Variants in ELMO1 observed in about 807,000 individuals in gnomAD.
ELMO1 encodes the protein engulfment and cell motility protein 1.
ELMO1 carries 26 observed loss-of-function variants against 98.9 expected under a neutral mutation model. The ratio of observed to expected loss-of-function variants is 0.26; its 90% CI spans 0.19 to 0.36. The LOEUF (loss-of-function observed/expected upper bound fraction) is 0.36. Among genes scored for constraint, ELMO1 ranks in the 10% least tolerant of loss-of-function variants. ELMO1 has a pLI of 1.00. For synonymous variants in ELMO1, 346 were observed against 346.0 expected (o/e 1.00, Z 0.00); for missense variants, 627 against 935.2 (o/e 0.67, Z 4.30).
At chr7:37,316,769 A>G (rs530906475) in intron 2 of ELMO1, among the ~76,000 whole-genome samples, 1 of 152,286 alleles carries the variant, frequency 6.6e-6, no homozygotes, top group East Asian at 1.9e-4. Flanking sequence ...ATGAATGAGG[A>G]AGAGAAGATG....
chr7:37,064,723 C>A (rs571808727), intron 15 of ELMO1, among the ~76,000 whole-genome samples: 1 of 152,146 alleles, frequency 6.6e-6, no homozygotes, highest in South Asian at 2.1e-4. Flanking sequence ...CCAATCTCCC[C>A]GTAAGTACTC....
chr7:37,396,107 G>A (rs1245926772), intron 1 of ELMO1, among the ~76,000 whole-genome samples: 1 of 151,720 alleles, frequency 6.6e-6, no homozygotes, highest in African/African-American at 2.4e-5. Flanking sequence ...AGTGGACCTT[G>A]ATTCAGATAA....
At chr7:37,427,837 C>T (rs1384122579) in intron 1 of ELMO1, among the ~76,000 whole-genome samples, 1 of 152,204 alleles carries the variant, frequency 6.6e-6, no homozygotes, top group Non-Finnish European at 1.5e-5. Flanking sequence ...ATTCACCATC[C>T]CCAGGAAAAT....
intron 1 of ELMO1, among the ~76,000 whole-genome samples, chr7:37,394,634 AG>A (rs1803216453): frequency 6.6e-6 from 1 of 152,208 alleles, no homozygotes; most frequent in Admixed American, 6.5e-5. Flanking sequence ...GGGTTCATCT[AG>A]GGCAGGAACA....
intron 13 of ELMO1, among the ~76,000 whole-genome samples, chr7:37,172,283 G>A (rs905059903): frequency 6.7e-6 from 1 of 150,104 alleles, no homozygotes; most frequent in Non-Finnish European, 1.5e-5. Flanking sequence ...GTTGAGGGTG[G>A]AGAGAGAATT....
At chr7:37,073,080 T>C (rs1797368213) in intron 15 of ELMO1, among the ~76,000 whole-genome samples, 1 of 152,262 alleles carries the variant, frequency 6.6e-6, no homozygotes, top group African/African-American at 2.4e-5. Context: ...TAGGAATTTC[T>C]TCTAAGTAAA....
At chr7:37,026,185 T>C (rs1192756509) in intron 15 of ELMO1, among the ~76,000 whole-genome samples, 2 of 152,148 alleles carry the variant, frequency 1.3e-5, no homozygotes, top group South Asian at 2.1e-4. Context: ...TGTCCAACCA[T>C]GTGAGATGGG....
chr7:36,985,852 T>C (rs563072993), intron 16 of ELMO1: 6 of 970,628 alleles, frequency 6.2e-6, no homozygotes, highest in Admixed American at 6.2e-5. Context: ...CGGCAGACAA[T>C]AGGACAAAGC....
At chr7:37,293,246 T>G (rs9639754) in intron 4 of ELMO1, among the ~76,000 whole-genome samples, 2 of 133,658 alleles carry the variant, frequency 1.5e-5, no homozygotes, top group African/African-American at 2.6e-5. Context: ...GAATGGGCCA[T>G]GATGACAATG....
chr7:36,901,365 T>A (rs1486338804), intron 16 of ELMO1, among the ~76,000 whole-genome samples: 1 of 152,120 alleles, frequency 6.6e-6, no homozygotes, highest in East Asian at 1.9e-4. Context: ...TAGACAGGGG[T>A]TAGCAAACTT....
intron 5 of ELMO1, among the ~76,000 whole-genome samples, chr7:37,267,391 T>C (rs1796319363): frequency 6.6e-6 from 1 of 152,248 alleles, no homozygotes; most frequent in Non-Finnish European, 1.5e-5. Flanking sequence ...ACATAACAGG[T>C]TCCTAGTTTT....
chr7:37,431,694 T>C (rs1437461901), intron 1 of ELMO1, among the ~76,000 whole-genome samples: 1 of 152,202 alleles, frequency 6.6e-6, no homozygotes, highest in East Asian at 1.9e-4. Flanking sequence ...AAGACCTATG[T>C]ACAACCTTTT....
intron 1 of ELMO1, among the ~76,000 whole-genome samples, chr7:37,406,865 T>C (rs1018217105): frequency 2.0e-5 from 3 of 152,172 alleles, no homozygotes; most frequent in African/African-American, 7.2e-5. Flanking sequence ...TAAATTAATA[T>C]AACAGTAAGA....
intron 15 of ELMO1, among the ~76,000 whole-genome samples, chr7:37,040,184 T>C (rs1355575505): frequency 1.3e-5 from 2 of 152,148 alleles, no homozygotes; most frequent in African/African-American, 4.8e-5. Flanking sequence ...GCTAATATAC[T>C]GGACAGTAGT....
At chr7:36,928,723 C>T (rs1435390445) in intron 16 of ELMO1, among the ~76,000 whole-genome samples, 1 of 152,174 alleles carries the variant, frequency 6.6e-6, no homozygotes, top group Admixed American at 6.5e-5. Context: ...GTCTAAAGTG[C>T]AGTCAGTCAT....
intron 16 of ELMO1, among the ~76,000 whole-genome samples, chr7:36,993,793 C>T (rs1792019945): frequency 6.6e-6 from 1 of 152,154 alleles, no homozygotes; most frequent in South Asian, 2.1e-4. Flanking sequence ...TGTATCCCTA[C>T]CCCCACCAAG....
In ELMO1 at chr7:36,878,438, C is replaced by T. The variant is rs894316136; in HGVS notation, c.1715-321G>A. ...AATGATAACCACCATGGGAACTGCT[C>T]CTTATTCATTTACTGACAAAAGAGG... On this transcript the variant is annotated intron_variant, in intron 18 of 21. Coordinates refer to ENST00000310758, the MANE Select transcript of ELMO1 (RefSeq NM_014800.11). 2.6e-5 allele frequency among the ~76,000 whole-genome samples: 4 copies of T among 152,138 alleles called. No homozygotes were observed. In the South Asian group the frequency reaches 8.3e-4, roughly 32 times the overall value.
intron 4 of ELMO1, among the ~76,000 whole-genome samples, chr7:37,295,284 G>A (rs763232374): frequency 1.3e-5 from 2 of 152,188 alleles, no homozygotes; most frequent in Non-Finnish European, 2.9e-5. Flanking sequence ...TAAAGGTGAT[G>A]CAAAACAGTA....
At chr7:36,978,057 A>AG (rs1483837107) in intron 16 of ELMO1, among the ~76,000 whole-genome samples, 1 of 152,230 alleles carries the variant, frequency 6.6e-6, no homozygotes, top group East Asian at 1.9e-4. Flanking sequence ...TACCTGATAC[A>AG]GGGTTGGCAT....
Sources: allele counts gnomAD v4.1 joint callset (sites outside exome capture counted in the v4.1 genomes callset), GRCh38; gene constraint gnomAD v4.1.1; transcripts MANE v1.5; gene names NCBI Gene and HGNC (gene_info 2026-07-23, HGNC 2026-07-21).